Variants in DLGAP2 observed in about 807,000 individuals in gnomAD.
DLGAP2 encodes disks large-associated protein 2.
In DLGAP2, 26 loss-of-function variants were observed where a neutral mutation model predicts 100.3. That is an observed-to-expected ratio of 0.26 (90% confidence interval 0.19 to 0.36). The LOEUF (loss-of-function observed/expected upper bound fraction) is 0.36. DLGAP2 is among the 10% of genes least tolerant of loss of function. DLGAP2 has a pLI of 1.00. For missense variants in DLGAP2, 1,858 were observed against 1,453.2 expected (o/e 1.28, Z -4.53); for synonymous variants, 886 against 630.1 (o/e 1.41, Z -6.08).
Position 1,678,597 on chromosome 8 carries a change from G to C in DLGAP2, c.2672G>C (p.Arg891Thr), listed in dbSNP as rs376318878. 9.0e-5 allele frequency: 142 copies of C among 1,570,412 alleles called. No homozygotes were observed. The African/African-American group carries it at 1.2e-3, about 13-fold the overall frequency. The change falls in exon 12 of 15, where the codon AGA becomes ACA. Residue 891 changes from arginine (R) to threonine (T), a missense_variant. Coordinates refer to ENST00000637795, the MANE Select transcript of DLGAP2 (RefSeq NM_001346810.2). ...GAAGGCTGGTGCAAAGAGATGGAGA[G>C]AGAGGCGGAGGAGAACGACCTCTCG... ...RMEGWCKEME[R>T]EAEENDLSEE...
At chr8:1,581,662 C>G (rs927408191) in intron 6 of DLGAP2, among the ~76,000 whole-genome samples, 2 of 129,220 alleles carry the variant, frequency 1.5e-5, no homozygotes, top group Non-Finnish European at 3.2e-5. Context: ...CCACAGTCAA[C>G]CAGAAAGATA....
chr8:1,176,077 G>T (rs151103930), intron 2 of DLGAP2, among the ~76,000 whole-genome samples: 1 of 152,054 alleles, frequency 6.6e-6, no homozygotes. Flanking sequence ...CCTGAAACTG[G>T]GTAATTTATA....
intron 1 of DLGAP2, among the ~76,000 whole-genome samples, chr8:796,328 C>G (rs1796036254): frequency 6.6e-6 from 1 of 152,320 alleles, no homozygotes; most frequent in South Asian, 2.1e-4. Flanking sequence ...TGGCCACTCG[C>G]TCCTGGGAGA....
intron 4 of DLGAP2, among the ~76,000 whole-genome samples, chr8:1,528,602 C>T (rs1218488113): frequency 6.6e-6 from 1 of 152,240 alleles, no homozygotes; most frequent in Non-Finnish European, 1.5e-5. Context: ...GTGATGCTGG[C>T]TCTGTCTCCT....
chr8:836,716 G>T (rs1402414031), intron 1 of DLGAP2, among the ~76,000 whole-genome samples: 1 of 152,196 alleles, frequency 6.6e-6, no homozygotes, highest in Admixed American at 6.5e-5. Context: ...GCCCTGCTGG[G>T]GCCAGGGCCG....
At chr8:806,273 G>A (rs919752911) in intron 1 of DLGAP2, among the ~76,000 whole-genome samples, 3 of 152,208 alleles carry the variant, frequency 2.0e-5, no homozygotes, top group Non-Finnish European at 4.4e-5. Context: ...AGGCCTCACA[G>A]TTGTCATGGC....
At chr8:930,901 G>A (rs1049821763) in intron 2 of DLGAP2, among the ~76,000 whole-genome samples, 1 of 152,210 alleles carries the variant, frequency 6.6e-6, no homozygotes, top group African/African-American at 2.4e-5. Context: ...GCATGAATTG[G>A]GAGGACTCTG....
intron 2 of DLGAP2, among the ~76,000 whole-genome samples, chr8:1,020,779 G>T (rs1405151219): frequency 6.6e-6 from 1 of 152,192 alleles, no homozygotes; most frequent in Non-Finnish European, 1.5e-5. Context: ...AGAGGGGAGA[G>T]CTGGGGCTCC....
intron 2 of DLGAP2, chr8:1,246,926 A>AGGCG: frequency 9.1e-6 from 1 of 109,440 alleles, no homozygotes; most frequent in African/African-American, 4.1e-5. Flanking sequence ...TCAGTGTGGG[A>AGGCG]GTGATGGTCC....
intron 2 of DLGAP2, among the ~76,000 whole-genome samples, chr8:1,142,735 G>C (rs1227973308): frequency 2.0e-5 from 3 of 152,110 alleles, no homozygotes; most frequent in East Asian, 1.9e-4. Context: ...CATTATTGGA[G>C]TCAGGACAGT....
chr8:882,319 C>A (rs1477843154), intron 1 of DLGAP2, among the ~76,000 whole-genome samples: 2 of 151,282 alleles, frequency 1.3e-5, no homozygotes, highest in African/African-American at 4.9e-5. Context: ...CTGCGGGCAC[C>A]CGTGCCTGGC....
At position 1,069,807 on chromosome 8, in the gene DLGAP2, C is replaced by T. The variant is rs538986845; in HGVS notation, c.73+161841C>T. Among the ~76,000 whole-genome samples the T allele has an allele frequency of 1.9e-4, 29 of 152,234 alleles. No homozygotes were observed. The South Asian group carries it at 3.5e-3, about 18-fold the overall frequency. On this transcript the variant is annotated intron_variant, in intron 2 of 14. Coordinates refer to ENST00000637795, the MANE Select transcript of DLGAP2 (RefSeq NM_001346810.2). ...AACAAGATGAGGTGCAGCCACAATG[C>T]GTGTCTTGTGGAGGAGGATGCTGTG...
At chr8:966,473 T>C (rs1037824892) in intron 2 of DLGAP2, among the ~76,000 whole-genome samples, 1 of 152,230 alleles carries the variant, frequency 6.6e-6, no homozygotes, top group Admixed American at 6.5e-5. Context: ...TGTAGTTGAG[T>C]TAGTAACTCT....
At chr8:1,201,943 T>C (rs986350415) in intron 2 of DLGAP2, among the ~76,000 whole-genome samples, 5 of 145,690 alleles carry the variant, frequency 3.4e-5, no homozygotes, top group African/African-American at 1.3e-4. Flanking sequence ...GTGTGATGTG[T>C]GTATGTGTAC....
intron 3 of DLGAP2, among the ~76,000 whole-genome samples, chr8:1,325,964 C>T (rs1481600844): frequency 1.3e-5 from 2 of 152,116 alleles, no homozygotes; most frequent in Non-Finnish European, 2.9e-5. Context: ...CTATAAGGCC[C>T]ATGGGAATGT....
intron 3 of DLGAP2, among the ~76,000 whole-genome samples, chr8:1,440,584 A>C (rs1797801471): frequency 6.6e-6 from 1 of 152,224 alleles, no homozygotes; most frequent in Non-Finnish European, 1.5e-5. Context: ...CTAAGACTAA[A>C]GGGGGAAAAC....
chr8:1,330,912 A>ATGGGGACTGAGTTCTGGGTGGGAGCACCG (rs1801143033), intron 3 of DLGAP2, among the ~76,000 whole-genome samples: 2 of 140,054 alleles, frequency 1.4e-5, no homozygotes, highest in African/African-American at 5.2e-5. Context: ...TGGGAGCACC[A>ATGGGGACTGAGTTCTGGGTGGGAGCACCG]CTTCATGGGG....
At chr8:1,198,675 ATGTCCATGGGT>A (rs1797805362) in intron 2 of DLGAP2, among the ~76,000 whole-genome samples, 1 of 152,138 alleles carries the variant, frequency 6.6e-6, no homozygotes, top group Non-Finnish European at 1.5e-5. Context: ...GCTCCACCCC[ATGTCCATGGGT>A]CAGGCAGGCC....
Position 996,805 on chromosome 8 carries a change from G to A in DLGAP2, c.73+88839G>A, listed in dbSNP as rs79351490. Reference sequence around the variant, plus strand: ...GAATCATAAGTGTGAGTTAATATGCGTGGCAGACATCTATCTAAACAGTAG... The same window carrying A: ...GAATCATAAGTGTGAGTTAATATGCATGGCAGACATCTATCTAAACAGTAG... On this transcript the variant is annotated intron_variant, in intron 2 of 14. Transcript: ENST00000637795. Among the ~76,000 whole-genome samples the A allele has an allele frequency of 3.4e-4, 52 of 152,266 alleles. No homozygotes were observed. The East Asian group carries it at 8.9e-3, about 26-fold the overall frequency.
Sources: allele counts gnomAD v4.1 joint callset (sites outside exome capture counted in the v4.1 genomes callset), GRCh38; gene constraint gnomAD v4.1.1; transcripts MANE v1.5; gene names NCBI Gene and HGNC (gene_info 2026-07-23, HGNC 2026-07-21).